The following PTX3 variants were observed in gnomAD, a reference collection of about 807,000 sequenced individuals.
PTX3 encodes the protein pentraxin-related protein PTX3.
A neutral mutation model predicts 23.5 loss-of-function variants in PTX3; 24 were observed. The observed-to-expected ratio is 1.02, with a 90% CI of 0.74 to 1.43. The LOEUF (loss-of-function observed/expected upper bound fraction) is 1.43, where lower values mean the gene tolerates loss of function less well. Ranked by LOEUF, PTX3 falls within the 40% of genes most tolerant of loss-of-function variation. PTX3 has a pLI of 0.00. For missense variants in PTX3, 510 were observed against 497.5 expected, an observed-to-expected ratio of 1.02 and a Z score of -0.24; for synonymous variants, 218 against 205.4, an observed-to-expected ratio of 1.06 and a Z score of -0.53.
At chr3:157,438,071 AC>A (rs1553786716) in intron 2 of PTX3, among the ~76,000 whole-genome samples, 157 bp downstream of exon 2, 1 of 146,294 alleles carries the variant, frequency 6.8e-6, no homozygotes, top group African/African-American at 2.5e-5. Flanking sequence ...ACACACACAC[AC>A]CCCTATTTCT....
Position 157,442,925 on chromosome 3 carries a change from T to G in PTX3, c.1092T>G (p.Val364=), listed in dbSNP as rs188649697. The G allele has an allele frequency of 5.1e-5, 83 of 1,614,038 alleles. No individual in the cohort carries two copies. The East Asian group carries it at 1.8e-3, about 36-fold the overall frequency. Residue 364 remains valine, a synonymous_variant, in exon 3 of 3, where the codon GTT becomes GTG. Transcript: ENST00000295927. Reference sequence around the variant, plus strand: ...CTTGTCACATCCGGGGGAATATTGTTGGGTGGGGAGTCACAGAGATCCAGC... The same window carrying G: ...CTTGTCACATCCGGGGGAATATTGTGGGGTGGGGAGTCACAGAGATCCAGC... ...AESCHIRGNI[V]GWGVTEIQPH... is the part of the protein sequence containing the mutation.
rs759525316 is a variant in PTX3, at chr3:157,442,894, C to A, written c.1061C>A (p.Ala354Glu). The A allele has an allele frequency of 4.3e-6, 7 of 1,614,030 alleles. No homozygotes were observed. The South Asian group carries it at 6.6e-5, about 15-fold the overall frequency. ...GAAGAGATAAGAGAGACCGGAGGAG[C>A]AGAGTCTTGTCACATCCGGGGGAAT... ...SNEEIRETGG[A>E]ESCHIRGNIV... The change falls in exon 3 of 3, where the codon GCA (alanine) becomes GAA (glutamate). Residue 354 changes from alanine (A) to glutamate (E), a missense_variant. Coordinates refer to ENST00000295927, the MANE Select transcript of PTX3 (RefSeq NM_002852.4).
intron 2 of PTX3, among the ~76,000 whole-genome samples, chr3:157,438,861 T>A (rs1280566195): frequency 6.6e-6 from 1 of 152,234 alleles, no homozygotes; most frequent in Admixed American, 6.5e-5. Context: ...TTGGATTGTA[T>A]TAGAAAATCA....
rs1249221096 is a variant in PTX3 at position 157,442,575 on chromosome 3, G to A, written c.742G>A (p.Val248Met). 1 of 1,614,226 alleles carries A rather than the reference G, an allele frequency of 6.2e-7. No individual in the cohort carries two copies. Among genetic ancestry groups the A allele is most frequent in the Admixed American group, 1.7e-5 (1 of 60,034 alleles). Residue 248 changes from valine to methionine, a missense_variant, in exon 3 of 3, where the codon GTG (valine) becomes ATG (methionine). Transcript: ENST00000295927. ...TCTCAGCTACCAATCCATAGTGTTT[G>A]TGGTGGGTGGAGAGGAGAACAAACT... The part of the protein sequence containing the change: ...LYLSYQSIVF[V>M]VGGEENKLVA...
At position 157,436,875 on chromosome 3, in the gene PTX3, C is replaced by T. The variant is rs1175052789; in HGVS notation, c.-59C>T. The T allele has an allele frequency of 1.3e-6, 2 of 1,580,170 alleles. No homozygotes were observed. The highest frequency in any genetic ancestry group is 1.7e-6 in the Non-Finnish European group (2 of 1,159,078). Reference sequence around the variant, plus strand: ...ACTCTCACTCTCCTCCGCTCAAACTCAGCTCACTTGAGAGTCTCCTCCCGC... The same window carrying T: ...ACTCTCACTCTCCTCCGCTCAAACTTAGCTCACTTGAGAGTCTCCTCCCGC... On this transcript the variant is annotated 5_prime_UTR_variant, in exon 1 of 3. Coordinates refer to ENST00000295927, the MANE Select transcript of PTX3 (RefSeq NM_002852.4).
At chr3:157,439,735 C>T (rs1179989701) in intron 2 of PTX3, among the ~76,000 whole-genome samples, 3 of 152,092 alleles carry the variant, frequency 2.0e-5, no homozygotes, top group African/African-American at 7.2e-5. Context: ...GCAGTAGGCA[C>T]CCTCTTGAAC....
Position 157,442,884 on chromosome 3 carries a change from A to T in PTX3, c.1051A>T (p.Thr351Ser). 18 of 1,614,140 alleles carry T rather than the reference A, an allele frequency of 1.1e-5. No individual in the cohort carries two copies. The highest frequency in any genetic ancestry group is 1.4e-5 in the Non-Finnish European group (17 of 1,180,024). Residue 351 changes from threonine (T) to serine (S), a missense_variant, in exon 3 of 3, where the codon ACC becomes TCC. Thr to Ser is a moderately conservative substitution (Grantham distance 58). Coordinates refer to ENST00000295927, the MANE Select transcript of PTX3 (RefSeq NM_002852.4). ...TCTTAGCAATGAAGAGATAAGAGAG[A>T]CCGGAGGAGCAGAGTCTTGTCACAT... ...SVLSNEEIRE[T>S]GGAESCHIRG...
At chr3:157,437,458 C>T in intron 1 of PTX3, 55 bp from the exon 2 acceptor site, 1 of 1,558,988 alleles carries the variant, frequency 6.4e-7, no homozygotes, top group Admixed American at 1.9e-5. Context: ...TTTTACAAAG[C>T]ACATCCAAGG....
intron 2 of PTX3, among the ~76,000 whole-genome samples, chr3:157,440,678 A>G (rs1734049600): frequency 6.6e-6 from 1 of 151,966 alleles, no homozygotes; most frequent in Admixed American, 6.6e-5. Context: ...ATATACGTAT[A>G]CATACATATA....
rs776948078 is a variant in PTX3, at chr3:157,442,347, T to C, written c.533-19T>C. ...TTTATATTTTCTTTAATATTCTTCT[T>C]ATTTTCTTGCTACTCTAGGTTGTGA... On this transcript the variant is annotated intron_variant, in intron 2 of 2. Transcript: ENST00000295927. 5.8e-6 allele frequency: 9 copies of C among 1,547,672 alleles called. No individual in the cohort carries two copies. Among genetic ancestry groups the C allele is most frequent in the South Asian group, 2.4e-5 (2 of 84,328 alleles).
At chr3:157,441,231 G>C (rs1734093857) in intron 2 of PTX3, among the ~76,000 whole-genome samples, 1 of 152,138 alleles carries the variant, frequency 6.6e-6, no homozygotes, top group Non-Finnish European at 1.5e-5. Context: ...TCTGTGACCA[G>C]ACTGCAAAAA....
At chr3:157,438,019 A>ATGCG in intron 2 of PTX3, 105 bp downstream of exon 2, 1 of 1,133,532 alleles carries the variant, frequency 8.8e-7, no homozygotes, top group Non-Finnish European at 1.2e-6. Flanking sequence ...CTTTCATGGG[A>ATGCG]AGCGCGCGCG....
Position 157,438,035 on chromosome 3 carries a change from G to A in PTX3, c.532+121G>A, listed in dbSNP as rs866031416. The stretch of plus-strand genomic sequence containing the variant: ...TTTCATGGGAAGCGCGCGCGCGCGC[G>A]CGCACACACACACACACACACACAC... On this transcript the variant is annotated intron_variant, in intron 2 of 2. Transcript: ENST00000295927. The A allele has an allele frequency of 5.2e-3, 3,612 of 701,126 alleles. 66 individuals are homozygous for A. In the African/African-American group the frequency reaches 0.084, roughly 16 times the overall value. The allele number at this position is 701,126 out of a possible 1,614,324, so 43.4% of individuals were successfully genotyped here.
chr3:157,438,115 A>G (rs1413808466), intron 2 of PTX3, among the ~76,000 whole-genome samples: 2 of 151,686 alleles, frequency 1.3e-5, no homozygotes, highest in African/African-American at 4.8e-5. Flanking sequence ...GGCACACCAT[A>G]CAAGGCGGGA....
intron 2 of PTX3, among the ~76,000 whole-genome samples, chr3:157,441,905 C>T (rs3845978): frequency 0.094 from 14,292 of 151,886 alleles, 1,108 homozygotes; most frequent in South Asian, 0.22. Context: ...CGAACTAGGT[C>T]TACTGAATTT....
intron 2 of PTX3, among the ~76,000 whole-genome samples, chr3:157,438,647 T>C (rs1733871066): frequency 6.6e-6 from 1 of 151,974 alleles, no homozygotes; most frequent in Admixed American, 6.6e-5. Flanking sequence ...ATTCAGAGAA[T>C]TGGGGCCAAG....
chr3:157,441,402 T>C (rs1344633317), intron 2 of PTX3, among the ~76,000 whole-genome samples: 2 of 152,234 alleles, frequency 1.3e-5, no homozygotes, highest in African/African-American at 4.8e-5. Flanking sequence ...ATCTGATACA[T>C]AGTGAATGCC....
At chr3:157,440,011 A>G (rs865886212) in intron 2 of PTX3, among the ~76,000 whole-genome samples, 11 of 152,230 alleles carry the variant, frequency 7.2e-5, no homozygotes, top group Admixed American at 4.6e-4. Flanking sequence ...CAGCCTCCCA[A>G]AGTGCTGGGA....
Position 157,437,825 on chromosome 3 carries a change from C to G in PTX3, c.443C>G (p.Ala148Gly). 6.8e-7 allele frequency: 1 copy of G among 1,467,222 alleles called. No individual in the cohort carries two copies. The highest frequency in any genetic ancestry group is 8.9e-7 in the Non-Finnish European group (1 of 1,122,830). 90.9% of individuals were successfully genotyped at this position (1,467,222 alleles called of 1,614,324 possible). A position where few individuals can be genotyped will look rare whatever the true frequency, so the allele number is the denominator to read the frequency against. Residue 148 changes from alanine to glycine, a missense_variant, in exon 2 of 3, where the codon GCC becomes GGC. By Grantham distance (60) the Ala-to-Gly change is moderately conservative. Coordinates refer to ENST00000295927, the MANE Select transcript of PTX3 (RefSeq NM_002852.4). ...CAGCGCCCAGAGGAGGCGGGGCGCGCCCTGGCCGCGGTGCTAGAGGAGCTG... is the reference window on the plus strand; with the variant it reads ...CAGCGCCCAGAGGAGGCGGGGCGCGGCCTGGCCGCGGTGCTAGAGGAGCTG... ...EAQRPEEAGRALAAVLEELRQ... is the reference protein window; with the variant it reads ...EAQRPEEAGRGLAAVLEELRQ...
Sources: allele counts gnomAD v4.1 joint callset (sites outside exome capture counted in the v4.1 genomes callset), GRCh38; gene constraint gnomAD v4.1.1; transcripts MANE v1.5; gene names NCBI Gene and HGNC (gene_info 2026-07-23, HGNC 2026-07-21).